Variants in HOXA4 observed in about 807,000 individuals in gnomAD.
HOXA4 encodes homeobox A4.
A neutral mutation model predicts 25.3 loss-of-function variants in HOXA4; 31 were observed. The observed-to-expected ratio is 1.22, with a 90% CI of 0.92 to 1.65. The LOEUF is 1.65. HOXA4 is among the 40% of genes most tolerant of loss of function. The pLI is 0.00. For missense variants in HOXA4, 459 were observed against 446.0 expected (o/e 1.03, Z -0.26); for synonymous variants, 225 against 207.7 (o/e 1.08, Z -0.72).
Position 27,129,435 on chromosome 7 carries a change from C to A in HOXA4, c.753G>T (p.Thr251=). 1 of 1,614,112 alleles carries A rather than the reference C, an allele frequency of 6.2e-7. No individual in the cohort carries two copies. The highest frequency in any genetic ancestry group is 8.5e-7 in the Non-Finnish European group (1 of 1,180,028). Residue 251 remains threonine (T), a synonymous_variant, in exon 2 of 2, where the codon ACG becomes ACT. Coordinates refer to ENST00000360046, the MANE Select transcript of HOXA4 (RefSeq NM_002141.5). The part of the protein sequence containing the change: ...TRRRRIEIAH[T]LCLSERQVKI... ...TGACCTGGCGCTCAGACAAACAGAG[C>A]GTGTGGGCGATCTCGATGCGGCGCC...
Position 27,129,518 on chromosome 7 carries a change from G to T in HOXA4, c.670C>A (p.Arg224=). The change falls in exon 2 of 2, where the codon CGG becomes AGG. Residue 224 remains arginine, a synonymous_variant. Coordinates refer to ENST00000360046, the MANE Select transcript of HOXA4 (RefSeq NM_002141.5). ...TTCTCCAGCTCCAAGACCTGCTGCC[G>T]GGTGTAGGCGGTTCGAGAGCGCTTA... ...EPKRSRTAYT[R]QQVLELEKEF... 1.2e-6 allele frequency: 2 copies of T among 1,614,100 alleles called. No homozygotes were observed. Among genetic ancestry groups the T allele is most frequent in the East Asian group, 2.2e-5 (1 of 44,862 alleles).
Position 27,129,449 on chromosome 7 carries a change from C to A in HOXA4, c.739G>T (p.Glu247Ter). 6.2e-7 allele frequency: 1 copy of A among 1,614,192 alleles called. No homozygotes were observed. The highest frequency in any genetic ancestry group is 8.5e-7 in the Non-Finnish European group (1 of 1,180,032). Reference sequence around the variant, plus strand: ...GACAAACAGAGCGTGTGGGCGATCTCGATGCGGCGCCGCCGGGTCAGGTAT... The same window carrying A: ...GACAAACAGAGCGTGTGGGCGATCTAGATGCGGCGCCGCCGGGTCAGGTAT... ...NRYLTRRRRIEIAHTLCLSER... is the reference protein window; with the variant it reads ...NRYLTRRRRI The change falls in exon 2 of 2, where the codon GAG (glutamate) becomes TAG (stop). Residue 247 changes from glutamate (E) to a stop codon, truncating the protein, a stop_gained. Coordinates refer to ENST00000360046, the MANE Select transcript of HOXA4 (RefSeq NM_002141.5). LOFTEE classifies it high-confidence loss of function.
intron 1 of HOXA4, 63 bp downstream of exon 1, chr7:27,130,055 C>CGACCCT: frequency 6.6e-7 from 1 of 1,513,444 alleles, no homozygotes; most frequent in Non-Finnish European, 8.9e-7. Flanking sequence ...CTCCTGACCC[C>CGACCCT]GACCCTCGAA....
chr7:27,129,879 C>T, intron 1 of HOXA4: 1 of 608,808 alleles, frequency 1.6e-6, no homozygotes, highest in Non-Finnish European at 2.9e-6. Context: ...AATTACTGCC[C>T]TAACAGTTTG....
In HOXA4 at chr7:27,129,051, C is replaced by T. The variant is rs963825686; in HGVS notation, c.*174G>A. On this transcript the variant is annotated 3_prime_UTR_variant, in exon 2 of 2. Coordinates refer to ENST00000360046, the MANE Select transcript of HOXA4 (RefSeq NM_002141.5). ...ACAACTGTTCTCTCTTGGGTGGCAACCAGCACAGACTCTTAACCGGATAAT... is the reference window on the plus strand; with the variant it reads ...ACAACTGTTCTCTCTTGGGTGGCAATCAGCACAGACTCTTAACCGGATAAT... 10 of 668,808 alleles carry T rather than the reference C, an allele frequency of 1.5e-5. No homozygotes were observed. In the South Asian group the frequency reaches 1.6e-4, roughly 10 times the overall value. 41.4% of individuals were successfully genotyped at this position (668,808 alleles called of 1,614,324 possible). A position where few individuals can be genotyped will look rare whatever the true frequency, so the allele number is the denominator to read the frequency against.
In HOXA4 at chr7:27,129,856, T is replaced by G. The variant is rs943908646; in HGVS notation, c.616+262A>C. 5 of 604,994 alleles carry G rather than the reference T, an allele frequency of 8.3e-6. No homozygotes were observed. The African/African-American group carries it at 9.3e-5, about 11-fold the overall frequency. 37.5% of individuals were successfully genotyped at this position (604,994 alleles called of 1,614,324 possible). ...GAAGCCTCTGCCAGGGCAATTAAATTTATGGGGGCTATAATTACTGCCCTA... is the reference window on the plus strand; with the variant it reads ...GAAGCCTCTGCCAGGGCAATTAAATGTATGGGGGCTATAATTACTGCCCTA... On this transcript the variant is annotated intron_variant, in intron 1 of 1. Transcript: ENST00000360046.
At chr7:27,130,030 C>G in intron 1 of HOXA4, 88 bp downstream of exon 1, 1 of 1,430,034 alleles carries the variant, frequency 7.0e-7, no homozygotes, top group Non-Finnish European at 9.4e-7. Context: ...AGGCCCCCTT[C>G]CCCTGAGCCT....
Position 27,130,588 on chromosome 7 carries a change from G to C in HOXA4, c.146C>G (p.Pro49Arg). 6.6e-7 allele frequency: 1 copy of C among 1,515,814 alleles called. No individual in the cohort carries two copies. The highest frequency in any genetic ancestry group is 8.8e-7 in the Non-Finnish European group (1 of 1,130,098). 93.9% of individuals were successfully genotyped at this position (1,515,814 alleles called of 1,614,324 possible). The change falls in exon 1 of 2, where the codon CCG (proline) becomes CGG (arginine). Residue 49 changes from proline (P) to arginine (R), a missense_variant. Transcript: ENST00000360046. ...GPGYQQPPAP[P>R]TQHLPLQQPQ... The stretch of plus-strand genomic sequence containing the variant: ...CTGCTGCAGCGGCAGGTGCTGGGTC[G>C]GGGGCGCTGGGGGCTGCTGGTAGCC...
Position 27,130,540 on chromosome 7 carries a change from C to T in HOXA4, c.194G>A (p.Gly65Asp), listed in dbSNP as rs6962314. 0.099 allele frequency: 135,268 copies of T among 1,370,354 alleles called. 7,914 individuals carry two copies. The highest frequency in any genetic ancestry group is 0.21 in the African/African-American group (13,719 of 65,086). The allele number at this position is 1,370,354 out of a possible 1,614,324, so 84.9% of individuals were successfully genotyped here. A position where few individuals can be genotyped will look rare whatever the true frequency, so the allele number is the denominator to read the frequency against. ...GTAGGAGGCAGTGGGCTCTCGGCCG[C>T]CGCCCGCGTGAGGGAGCTGGGGCTG... The part of the protein sequence containing the change: ...LQQPQLPHAG[G>D]GREPTASYYA... Residue 65 changes from glycine (G) to aspartate (D), a missense_variant, in exon 1 of 2, where the codon GGC becomes GAC. Transcript: ENST00000360046.
rs1363245974 is a variant in HOXA4 at position 27,129,148 on chromosome 7, G to A, written c.*77C>T. On this transcript the variant is annotated 3_prime_UTR_variant, in exon 2 of 2. Transcript: ENST00000360046. ...GTCTATTATGGTCCAGATGGGGAGGGGTGGATGAGGAACGGAGCAGGAGAA... is the reference window on the plus strand; with the variant it reads ...GTCTATTATGGTCCAGATGGGGAGGAGTGGATGAGGAACGGAGCAGGAGAA... 2.3e-6 allele frequency: 2 copies of A among 887,642 alleles called. No homozygotes were observed. Among genetic ancestry groups the A allele is most frequent in the Non-Finnish European group, 3.9e-6 (2 of 519,278 alleles). The allele number at this position is 887,642 out of a possible 1,614,324, so 55.0% of individuals were successfully genotyped here. A position where few individuals can be genotyped will look rare whatever the true frequency, so the allele number is the denominator to read the frequency against.
chr7:27,129,968 G>A (rs1026085335), intron 1 of HOXA4, 150 bp downstream of exon 1: 1 of 851,728 alleles, frequency 1.2e-6, no homozygotes, highest in Non-Finnish European at 1.8e-6. Context: ...TGGCTGGCGC[G>A]CACATACCCA....
At position 27,129,354 on chromosome 7, in the gene HOXA4, G is replaced by C; in HGVS notation, c.834C>G (p.Asn278Lys). 1.9e-6 allele frequency: 3 copies of C among 1,614,214 alleles called. No homozygotes were observed. The East Asian group carries it at 6.7e-5, about 36-fold the overall frequency. ...CCGAATTGGAGGATCGCATCTTGGT[G>C]TTGGGCAGTTTGTGGTCTTTCTTCC... ...MKWKKDHKLP[N>K]TKMRSSNSAS... Residue 278 changes from asparagine to lysine, a missense_variant, in exon 2 of 2, where the codon AAC (asparagine) becomes AAG (lysine). Transcript: ENST00000360046.
chr7:27,129,271 G>A lies in HOXA4; in HGVS notation c.917C>T (p.Pro306Leu). ...TGTGGAGGTGCTCGGGTGGGGGTGG[G>A]GATGGAGGTGTGGGCTCTGAGTTTG... ...KAQTQSPHLH[P>L]HPHPSTSTPV... Residue 306 changes from proline (P) to leucine (L), a missense_variant, in exon 2 of 2, where the codon CCC becomes CTC. Transcript: ENST00000360046. 1 of 1,610,008 alleles carries A rather than the reference G, an allele frequency of 6.2e-7. No individual in the cohort carries two copies.
Position 27,130,374 on chromosome 7 carries a change from C to CG in HOXA4, c.359dup (p.Ala121GlyfsTer87). The CG allele has an allele frequency of 8.7e-7, 1 of 1,144,664 alleles. No homozygotes were observed. Among genetic ancestry groups the CG allele is most frequent in the East Asian group, 4.2e-5 (1 of 23,608 alleles). The allele number at this position is 1,144,664 out of a possible 1,614,324, so 70.9% of individuals were successfully genotyped here. A position where few individuals can be genotyped will look rare whatever the true frequency, so the allele number is the denominator to read the frequency against. On this transcript the variant is annotated frameshift_variant, in exon 1 of 2. Transcript: ENST00000360046. LOFTEE classifies it high-confidence loss of function. ...CGTGCGCTGGGCCCTTGGCTTGCGC[C>CG]GGGGGCTGCTCGGGCTGGGGCGGCC...
chr7:27,129,310 G>A lies in HOXA4; in HGVS notation c.878C>T (p.Pro293Leu), dbSNP rs745306908. 3 of 1,614,080 alleles carry A rather than the reference G, an allele frequency of 1.9e-6. No individual in the cohort carries two copies. Among genetic ancestry groups the A allele is most frequent in the South Asian group, 2.2e-5 (2 of 91,088 alleles). The part of the protein sequence containing the change: ...SSNSASASAG[P>L]PGKAQTQSPH... ...GCTCTGAGTTTGTGCTTTCCCTGGT[G>A]GGCCGGCAGAGGCCGAGGCCGAATT... Residue 293 changes from proline (P) to leucine (L), a missense_variant, in exon 2 of 2, where the codon CCA (proline) becomes CTA (leucine). Transcript: ENST00000360046.
chr7:27,130,018 C>T (rs983956604), intron 1 of HOXA4, 100 bp downstream of exon 1: 3 of 1,361,968 alleles, frequency 2.2e-6, no homozygotes, highest in Non-Finnish European at 3.0e-6. Context: ...GCTCCCCTCC[C>T]GAGGCCCCCT....
chr7:27,129,896 C>G (rs1785448275), intron 1 of HOXA4: 1 of 615,790 alleles, frequency 1.6e-6, no homozygotes, highest in African/African-American at 1.8e-5. Context: ...TTTGGCGTCT[C>G]GTAAATCTCC....
chr7:27,130,365 G>A lies in HOXA4; in HGVS notation c.369C>T (p.Ala123=). Reference sequence around the variant, plus strand: ...CATGCAGGCCGTGCGCTGGGCCCTTGGCTTGCGCCGGGGGCTGCTCGGGCT... The same window carrying A: ...CATGCAGGCCGTGCGCTGGGCCCTTAGCTTGCGCCGGGGGCTGCTCGGGCT... ...PPQPEQPPAQ[A]KGPAHGLHAS... Residue 123 remains alanine (A), a synonymous_variant, in exon 1 of 2, where the codon GCC becomes GCT. Transcript: ENST00000360046. The A allele has an allele frequency of 8.8e-7, 1 of 1,139,320 alleles. No homozygotes were observed. The highest frequency in any genetic ancestry group is 1.1e-6 in the Non-Finnish European group (1 of 929,438). The allele number at this position is 1,139,320 out of a possible 1,614,324, so 70.6% of individuals were successfully genotyped here.
At position 27,130,269 on chromosome 7, in the gene HOXA4, C is replaced by T. The variant is rs1033452269; in HGVS notation, c.465G>A (p.Arg155=). The T allele has an allele frequency of 8.7e-7, 1 of 1,146,880 alleles. No individual in the cohort carries two copies. The highest frequency in any genetic ancestry group is 1.7e-5 in the African/African-American group (1 of 60,306). 71.0% of individuals were successfully genotyped at this position (1,146,880 alleles called of 1,614,324 possible). A position where few individuals can be genotyped will look rare whatever the true frequency, so the allele number is the denominator to read the frequency against. ...QPRAVPPAAP[R]RCEAAPATPG... ...GGGTGGCGGGGGCCGCCTCGCAGCGCCGCGGGGCCGCTGGGGGCACGGCGC... is the reference window on the plus strand; with the variant it reads ...GGGTGGCGGGGGCCGCCTCGCAGCGTCGCGGGGCCGCTGGGGGCACGGCGC... The change falls in exon 1 of 2, where the codon CGG becomes CGA. Residue 155 remains arginine, a synonymous_variant. Coordinates refer to ENST00000360046, the MANE Select transcript of HOXA4 (RefSeq NM_002141.5).
Sources: gnomAD v4.1 joint callset for allele counts on GRCh38, gnomAD v4.1.1 for gene constraint, MANE v1.5 for transcripts, NCBI Gene and HGNC (gene_info 2026-07-23, HGNC 2026-07-21) for gene names.